PRELID2: variants seen among roughly 807,000 people sequenced by gnomAD.
PRELID2 encodes the protein PRELI domain containing 2, also known as PRELI domain-containing protein 2.
A neutral mutation model predicts 28.4 loss-of-function variants in PRELID2; 25 were observed. That is an observed-to-expected ratio of 0.88 (90% CI 0.64 to 1.23). PRELID2 has a LOEUF of 1.23. PRELID2 is among the 50% of genes most tolerant of loss of function. The pLI, the probability that PRELID2 is intolerant of heterozygous loss-of-function variation, is 0.00. For missense variants in PRELID2, 201 were observed against 214.4 expected, an observed-to-expected ratio of 0.94 and a Z score of 0.39; for synonymous variants, 76 against 71.6, an observed-to-expected ratio of 1.06 and a Z score of -0.31.
At chr5:145,592,282 G>A (rs989689274) in intron 1 of PRELID2, among the ~76,000 whole-genome samples, 1 of 152,072 alleles carries the variant, frequency 6.6e-6, no homozygotes, top group African/African-American at 2.4e-5. Flanking sequence ...GGGCGTGGTG[G>A]TGGTGCCTGT....
At chr5:145,686,875 G>T (rs1159097376) in intron 1 of PRELID2, among the ~76,000 whole-genome samples, 1 of 152,124 alleles carries the variant, frequency 6.6e-6, no homozygotes, top group African/African-American at 2.4e-5. Flanking sequence ...AATGCATTTT[G>T]TTCAATGTCC....
At chr5:145,549,428 G>A (rs941810505) in intron 1 of PRELID2, among the ~76,000 whole-genome samples, 4 of 152,126 alleles carry the variant, frequency 2.6e-5, no homozygotes, top group Non-Finnish European at 5.9e-5. Flanking sequence ...CTACAGTTCG[G>A]AGGTGTTTAC....
chr5:145,472,911 T>C (rs1752066713), intron 2 of PRELID2, among the ~76,000 whole-genome samples: 1 of 152,210 alleles, frequency 6.6e-6, no homozygotes, highest in Non-Finnish European at 1.5e-5. Context: ...TATTATTTTC[T>C]AGAACACAGT....
At chr5:145,790,690 A>G (rs1752309178) in intron 5 of PRELID2, among the ~76,000 whole-genome samples, 1 of 122,482 alleles carries the variant, frequency 8.2e-6, no homozygotes, top group Non-Finnish European at 1.8e-5. Flanking sequence ...GCTTGAATTA[A>G]TAATTCCACA....
At chr5:145,464,745 G>C in the PRELID2 span, among the ~76,000 whole-genome samples, 2 of 151,816 alleles carry the variant, frequency 1.3e-5, no homozygotes, top group Non-Finnish European at 2.9e-5. Flanking sequence ...GTATCAAATT[G>C]GCAATTGGTT....
intron 1 of PRELID2, among the ~76,000 whole-genome samples, chr5:145,680,617 C>A (rs985560853): frequency 2.0e-5 from 3 of 152,160 alleles, no homozygotes; most frequent in Non-Finnish European, 2.9e-5. Flanking sequence ...CAAAAACAAT[C>A]GGAAACACAA....
rs377653737 is a variant in PRELID2, at chr5:145,604,748, G to GT, written n.71-131434dup. On this transcript the variant is annotated intron_variant and non_coding_transcript_variant, in intron 1 of 2. Coordinates refer to the PRELID2 transcript ENST00000510259. ...ACCTCACCAGCATCTGTTTTTTTTG[G>GT]TTTTTTTTTTTTTTTTTTTTTACTT... is the stretch of plus-strand genomic sequence containing the variant. 6.4e-3 allele frequency among the ~76,000 whole-genome samples: 697 copies of GT among 108,958 alleles called. 2 individuals carry two copies. Among genetic ancestry groups the GT allele is most frequent in the East Asian group, 1.0e-2 (36 of 3,614 alleles). 71.5% of individuals were successfully genotyped at this position (108,958 alleles called of 152,430 possible). A position where few individuals can be genotyped will look rare whatever the true frequency, so the allele number is the denominator to read the frequency against.
chr5:145,314,722 A>T, the PRELID2 span, among the ~76,000 whole-genome samples: 1 of 152,036 alleles, frequency 6.6e-6, no homozygotes, highest in East Asian at 1.9e-4. Context: ...TTGCCAGGTC[A>T]TCCCTGGGCA....
chr5:145,735,356 T>C (rs184670624), intron 1 of PRELID2, among the ~76,000 whole-genome samples: 1 of 148,890 alleles, frequency 6.7e-6, no homozygotes, highest in Non-Finnish European at 1.5e-5. Context: ...TGGGAGGGAG[T>C]TTAATAAAGG....
the PRELID2 span, among the ~76,000 whole-genome samples, chr5:145,351,222 G>A: frequency 2.6e-5 from 4 of 152,144 alleles, no homozygotes; most frequent in Non-Finnish European, 4.4e-5. Flanking sequence ...GTATTAGTGT[G>A]TTCTCACACT....
At chr5:145,652,317 G>A (rs750007848) in intron 1 of PRELID2, among the ~76,000 whole-genome samples, 1 of 152,204 alleles carries the variant, frequency 6.6e-6, no homozygotes, top group East Asian at 1.9e-4. Context: ...GAACCAAGTT[G>A]GAAAACACTC....
chr5:145,466,340 G>A, the PRELID2 span, among the ~76,000 whole-genome samples: 22 of 151,968 alleles, frequency 1.4e-4, no homozygotes, highest in South Asian at 2.1e-4. Context: ...GTAATAAAAG[G>A]TCTTGAAAAA....
At chr5:145,639,257 A>G (rs531404682) in intron 1 of PRELID2, among the ~76,000 whole-genome samples, 10 of 152,314 alleles carry the variant, frequency 6.6e-5, no homozygotes, top group Middle Eastern at 3.4e-3. Flanking sequence ...AGAAGCATAA[A>G]TATCATATAC....
At chr5:145,670,878 T>A (rs1358277883) in intron 1 of PRELID2, among the ~76,000 whole-genome samples, 2 of 152,134 alleles carry the variant, frequency 1.3e-5, no homozygotes. Context: ...GTAAATAAAT[T>A]AGCAGTACAG....
chr5:145,459,660 T>C, the PRELID2 span, among the ~76,000 whole-genome samples: 3 of 152,086 alleles, frequency 2.0e-5, no homozygotes, highest in African/African-American at 7.2e-5. Context: ...TTTAAAATAA[T>C]CTTCATTCTG....
At position 145,835,268 on chromosome 5, in the gene PRELID2, C is replaced by G. The variant is rs1480185675; in HGVS notation, c.-17G>C. 3 of 1,534,380 alleles carry G rather than the reference C, an allele frequency of 2.0e-6. No homozygotes were observed. In the Admixed American group the frequency reaches 5.9e-5, roughly 30 times the overall value. ...GACCCCCATCCCCGCGCGCCGCGGGCCCCGCGCACCGGCCACGCCTCCGCG... is the reference window on the plus strand; with the variant it reads ...GACCCCCATCCCCGCGCGCCGCGGGGCCCGCGCACCGGCCACGCCTCCGCG... On this transcript the variant is annotated 5_prime_UTR_variant, in exon 1 of 7. Transcript: ENST00000683046.
chr5:145,458,284 A>T, the PRELID2 span, among the ~76,000 whole-genome samples: 1 of 152,238 alleles, frequency 6.6e-6, no homozygotes, highest in East Asian at 1.9e-4. Context: ...ACAATGAGAA[A>T]ATAGTTAATT....
At chr5:145,248,507 T>G in the PRELID2 span, among the ~76,000 whole-genome samples, 1 of 152,030 alleles carries the variant, frequency 6.6e-6, no homozygotes, top group African/African-American at 2.4e-5. Flanking sequence ...TAAAATCATA[T>G]AAGTTGGCCA....
the PRELID2 span, among the ~76,000 whole-genome samples, chr5:145,373,306 A>T: frequency 0.024 from 2,054 of 83,908 alleles, 65 homozygotes; most frequent in Non-Finnish European, 0.032. Context: ...ATAATATACG[A>T]TATATATTAC....
Sources: allele counts gnomAD v4.1 joint callset (sites outside exome capture counted in the v4.1 genomes callset), GRCh38; gene constraint gnomAD v4.1.1; transcripts MANE v1.5; gene names NCBI Gene and HGNC (gene_info 2026-07-23, HGNC 2026-07-21).